CPEB1: variants seen among roughly 807,000 people sequenced by gnomAD.
CPEB1 encodes the protein cytoplasmic polyadenylation element-binding protein 1.
Under a neutral mutation model 65.8 loss-of-function variants are expected in CPEB1, and 7 were observed. The observed-to-expected ratio is 0.11, with a 90% confidence interval of 0.06 to 0.20. The LOEUF (loss-of-function observed/expected upper bound fraction) is 0.20. Among genes scored for constraint, CPEB1 ranks in the 10% least tolerant of loss-of-function variants. CPEB1 has a pLI of 1.00. For missense variants in CPEB1, 551 were observed against 712.2 expected, an observed-to-expected ratio of 0.77 and a Z score of 2.58; for synonymous variants, 262 against 260.0, an observed-to-expected ratio of 1.01 and a Z score of -0.08.
At chr15:82,632,611 G>T (rs2046353895) in intron 1 of CPEB1, among the ~76,000 whole-genome samples, 1 of 152,084 alleles carries the variant, frequency 6.6e-6, no homozygotes, top group South Asian at 2.1e-4. Context: ...GATCTCCTGG[G>T]CTCAAGCAAT....
chr15:82,546,117 AT>A (rs931122098), intron 12 of CPEB1, among the ~76,000 whole-genome samples: 70 of 147,208 alleles, frequency 4.8e-4, no homozygotes, highest in Admixed American at 1.2e-3. Flanking sequence ...TGGCATAACA[AT>A]TTTTTTTTTT....
chr15:82,644,473 GAC>G (rs1480417747), intron 1 of CPEB1, among the ~76,000 whole-genome samples: 1 of 152,184 alleles, frequency 6.6e-6, no homozygotes, highest in Non-Finnish European at 1.5e-5. Context: ...GATGTTTTAA[GAC>G]AGATTCCAAA....
intron 11 of CPEB1, 104 bp downstream of exon 11, chr15:82,547,039 C>A: frequency 1.3e-6 from 1 of 765,058 alleles, no homozygotes; most frequent in African/African-American, 1.8e-5. Context: ...CTTCCCTAAA[C>A]ACACCCAGCA....
At chr15:82,646,802 G>A (rs902805746) in intron 1 of CPEB1, among the ~76,000 whole-genome samples, 3 of 152,110 alleles carry the variant, frequency 2.0e-5, no homozygotes, top group Admixed American at 6.5e-5. Flanking sequence ...GACGCCGGGT[G>A]GGACACCCCA....
intron 3 of CPEB1, among the ~76,000 whole-genome samples, chr15:82,577,407 T>C (rs1396146917): frequency 6.6e-6 from 1 of 152,176 alleles, no homozygotes; most frequent in African/African-American, 2.4e-5. Flanking sequence ...TTTAATTTCC[T>C]ACAAATGTTG....
intron 3 of CPEB1, among the ~76,000 whole-genome samples, chr15:82,585,124 T>G (rs1326474083): frequency 6.6e-6 from 1 of 152,038 alleles, no homozygotes; most frequent in Admixed American, 6.6e-5. Context: ...AAGAGTGACT[T>G]TGGAGGGCAT....
At chr15:82,603,214 G>T (rs867779240) in intron 3 of CPEB1, among the ~76,000 whole-genome samples, 2 of 152,018 alleles carry the variant, frequency 1.3e-5, no homozygotes, top group Non-Finnish European at 2.9e-5. Context: ...CAAAACAGTT[G>T]GAGCTCAAGC....
chr15:82,588,576 G>A (rs557374492), intron 3 of CPEB1, among the ~76,000 whole-genome samples: 4 of 152,236 alleles, frequency 2.6e-5, no homozygotes, highest in Admixed American at 1.3e-4. Context: ...TTTCTCTACT[G>A]ATGAGCATTC....
rs745988907 is a variant in CPEB1, at chr15:82,556,128, G to A, written c.688-6C>T. On this transcript the variant is annotated splice_polypyrimidine_tract_variant and splice_region_variant and intron_variant, in intron 5 of 12. Coordinates refer to ENST00000684509, the MANE Select transcript of CPEB1 (RefSeq NM_001365242.1). The stretch of plus-strand genomic sequence containing the variant: ...GGAGAAATGCGAAGGCTTGACTAGG[G>A]GAGGAAAAAGGAAGACAGGGTTTTA... 12 of 1,585,312 alleles carry A rather than the reference G, an allele frequency of 7.6e-6. No homozygotes were observed. The South Asian group carries it at 1.3e-4, about 17-fold the overall frequency.
chr15:82,616,031 T>C (rs909722033), intron 3 of CPEB1, among the ~76,000 whole-genome samples: 80 of 152,242 alleles, frequency 5.3e-4, no homozygotes, highest in African/African-American at 1.9e-3. Flanking sequence ...AATGTATTGA[T>C]TTTACTTACA....
At chr15:82,549,701 C>G (rs940778105) in intron 9 of CPEB1, 43 bp from the exon 10 acceptor site, 8 of 1,587,770 alleles carry the variant, frequency 5.0e-6, no homozygotes, top group East Asian at 2.2e-5. Flanking sequence ...CAGAGAGCCA[C>G]AGAGAGAGAG....
chr15:82,610,263 T>G (rs2044004490), intron 3 of CPEB1, among the ~76,000 whole-genome samples: 1 of 152,090 alleles, frequency 6.6e-6, no homozygotes, highest in South Asian at 2.1e-4. Flanking sequence ...GCTTCGCTGG[T>G]GAATTCTACC....
At chr15:82,601,103 G>A (rs1471032965) in intron 3 of CPEB1, among the ~76,000 whole-genome samples, 1 of 150,252 alleles carries the variant, frequency 6.7e-6, no homozygotes, top group African/African-American at 2.4e-5. Context: ...ACAGGGTTTC[G>A]TCACGTTGGT....
intron 3 of CPEB1, among the ~76,000 whole-genome samples, chr15:82,579,377 C>A (rs1005489676): frequency 6.6e-6 from 1 of 152,076 alleles, no homozygotes. Context: ...TACGATGAAC[C>A]ATGATTGCGC....
intron 4 of CPEB1, among the ~76,000 whole-genome samples, chr15:82,561,834 G>C (rs139891149): frequency 1.1e-4 from 17 of 152,254 alleles, no homozygotes; most frequent in African/African-American, 3.9e-4. Context: ...AACCTAAGTA[G>C]AAAATGGCAT....
intron 1 of CPEB1, among the ~76,000 whole-genome samples, chr15:82,635,801 T>C (rs928058080): frequency 6.6e-6 from 1 of 152,132 alleles, no homozygotes; most frequent in Non-Finnish European, 1.5e-5. Context: ...ACAACTCAGA[T>C]GTTTTGGCTA....
At chr15:82,565,859 T>C (rs1009790153) in intron 4 of CPEB1, among the ~76,000 whole-genome samples, 3 of 152,158 alleles carry the variant, frequency 2.0e-5, no homozygotes, top group South Asian at 4.1e-4. Flanking sequence ...GGGTAAGACA[T>C]TGTGCTCTTC....
chr15:82,630,186 C>T, intron 1 of CPEB1: 1 of 817,514 alleles, frequency 1.2e-6, no homozygotes, highest in Non-Finnish European at 1.5e-6. Context: ...CTCCTCCCAC[C>T]TTGGCCTCCT....
In CPEB1 at chr15:82,606,813, G is replaced by A. The variant is rs1363970929; in HGVS notation, c.271+20380C>T. Among the ~76,000 whole-genome samples the A allele has an allele frequency of 1.8e-4, 7 of 38,038 alleles. 1 individual carries two copies. The highest frequency in any genetic ancestry group is 1.7e-3 in the Admixed American group (7 of 4,052). The allele number at this position is 38,038 out of a possible 152,430, so 25.0% of individuals were successfully genotyped here. ...AGCCTGGGCGACAGAGCGAGACTCC[G>A]TCTCAAAAAAAAAAAAAAAAAAATA... On this transcript the variant is annotated intron_variant, in intron 3 of 12. Coordinates refer to ENST00000684509, the MANE Select transcript of CPEB1 (RefSeq NM_001365242.1).
Sources: allele counts gnomAD v4.1 joint callset (sites outside exome capture counted in the v4.1 genomes callset), GRCh38; gene constraint gnomAD v4.1.1; transcripts MANE v1.5; gene names NCBI Gene and HGNC (gene_info 2026-07-23, HGNC 2026-07-21).